ADD3: variants seen among roughly 807,000 people sequenced by gnomAD.
ADD3 encodes adducin 3.
ADD3 carries 25 observed loss-of-function variants against 80.2 expected under a neutral mutation model. That is an observed-to-expected ratio of 0.31 (90% CI 0.23 to 0.44). The LOEUF is 0.44. Among genes scored for constraint, ADD3 ranks in the 20% least tolerant of loss-of-function variants. The probability of loss-of-function intolerance (pLI) is 1.00; values close to 1 mark genes in which losing one functional copy is unlikely to be tolerated. For missense variants in ADD3, 829 were observed against 847.5 expected (o/e 0.98, Z 0.27); for synonymous variants, 284 against 289.6 (o/e 0.98, Z 0.20).
intron 1 of ADD3, among the ~76,000 whole-genome samples, chr10:110,095,363 C>T (rs1369534712): frequency 1.3e-5 from 2 of 152,176 alleles, no homozygotes; most frequent in South Asian, 2.1e-4. Flanking sequence ...ATCTCATTGG[C>T]GGCCACTCCT....
At chr10:110,065,539 C>CCTTTTTTTTTTTTTTTTTTTTTT (rs1843806502) in intron 1 of ADD3, among the ~76,000 whole-genome samples, 5 of 31,172 alleles carry the variant, frequency 1.6e-4, no homozygotes, top group African/African-American at 4.0e-4. Context: ...TCTCTCTCCC[C>CCTTTTTTTTTTTTTTTTTTTTTT]TTTTTTTTTT....
chr10:110,090,477 T>C (rs1847365312), intron 1 of ADD3, among the ~76,000 whole-genome samples: 1 of 152,194 alleles, frequency 6.6e-6, no homozygotes. Context: ...TACCTTGGCC[T>C]TCCAAAGTGC....
chr10:110,089,460 G>A (rs1847202628), intron 1 of ADD3, among the ~76,000 whole-genome samples: 1 of 152,086 alleles, frequency 6.6e-6, no homozygotes, highest in African/African-American at 2.4e-5. Flanking sequence ...TCTAAGGAAG[G>A]GGTTGGGATG....
intron 1 of ADD3, among the ~76,000 whole-genome samples, chr10:110,030,989 T>C (rs1379406014): frequency 1.3e-5 from 2 of 148,320 alleles, no homozygotes; most frequent in African/African-American, 4.9e-5. Flanking sequence ...AAAATAAATT[T>C]GTAAGTCCAG....
rs59949041 is a variant in ADD3, at chr10:110,018,526, CAAAAAAAAAAAAAAAA to C, written c.-30+10237_-30+10252del. ...CTGGGTGACAAGTGAGACTTTGTCT[CAAAAAAAAAAAAAAAA>C]AAAAAAAAAGAGTTGGAGTGGTCAG... On this transcript the variant is annotated intron_variant, in intron 1 of 14. Coordinates refer to ENST00000356080, the MANE Select transcript of ADD3 (RefSeq NM_016824.5). Among the ~76,000 whole-genome samples, 20 of 49,508 alleles carry C rather than the reference CAAAAAAAAAAAAAAAA, an allele frequency of 4.0e-4. No individual in the cohort carries two copies. In the Admixed American group the frequency reaches 5.4e-3, roughly 13 times the overall value. The allele number at this position is 49,508 out of a possible 152,430, so 32.5% of individuals were successfully genotyped here. A position where few individuals can be genotyped will look rare whatever the true frequency, so the allele number is the denominator to read the frequency against.
At chr10:110,039,629 AC>A (rs1856058905) in intron 1 of ADD3, among the ~76,000 whole-genome samples, 1 of 152,218 alleles carries the variant, frequency 6.6e-6, no homozygotes, top group African/African-American at 2.4e-5. Flanking sequence ...ATAACAAATT[AC>A]CCCCAAACTA....
intron 2 of ADD3, among the ~76,000 whole-genome samples, chr10:110,101,595 C>T (rs1461423619): frequency 1.3e-5 from 2 of 150,798 alleles, no homozygotes; most frequent in African/African-American, 4.9e-5. Flanking sequence ...CGTGATCATG[C>T]CACTGCATTC....
intron 2 of ADD3, among the ~76,000 whole-genome samples, chr10:110,106,434 G>A (rs1849402577): frequency 6.6e-6 from 1 of 151,888 alleles, no homozygotes; most frequent in South Asian, 2.1e-4. Flanking sequence ...TCTGACCTTG[G>A]ATACAGAGTT....
At chr10:110,006,126 A>G (rs946570336), upstream of ADD3, 3 of 154,086 alleles carry the variant, frequency 1.9e-5, no homozygotes, top group Non-Finnish European at 2.9e-5. Flanking sequence ...TACCCTTGTT[A>G]GAAGGAAGCT....
chr10:110,063,803 C>T (rs766609947), intron 1 of ADD3, among the ~76,000 whole-genome samples: 1 of 119,744 alleles, frequency 8.4e-6, no homozygotes, highest in Non-Finnish European at 1.7e-5. Context: ...CCGTGTGTAA[C>T]CTACCTAAGT....
At position 110,091,977 on chromosome 10, in the gene ADD3, A is replaced by G. The variant is rs146076281; in HGVS notation, c.-29-8648A>G. Among the ~76,000 whole-genome samples, 981 of 152,352 alleles carry G rather than the reference A, an allele frequency of 6.4e-3. 6 individuals carry two copies. The highest frequency in any genetic ancestry group is 9.0e-3 in the Non-Finnish European group (614 of 68,032). On this transcript the variant is annotated intron_variant, in intron 1 of 14. Coordinates refer to ENST00000356080, the MANE Select transcript of ADD3 (RefSeq NM_016824.5). ...GACATACACACAAGTCAACATGCAT[A>G]TGGAAAAATGCTCAACATCACTAAT...
intron 3 of ADD3, among the ~76,000 whole-genome samples, chr10:110,114,361 T>G (rs1432146736): frequency 6.6e-6 from 1 of 152,230 alleles, no homozygotes; most frequent in Non-Finnish European, 1.5e-5. Context: ...TTAAAAGGTT[T>G]TCCATTGAAA....
chr10:109,998,137 T>C (rs976490775), intron 1 of ADD3, among the ~76,000 whole-genome samples: 1 of 152,224 alleles, frequency 6.6e-6, no homozygotes, highest in African/African-American at 2.4e-5. Flanking sequence ...AAAATAATTA[T>C]AAAGTGGAGT....
At chr10:110,099,504 G>T (rs200219742) in intron 1 of ADD3, among the ~76,000 whole-genome samples, 1 of 152,050 alleles carries the variant, frequency 6.6e-6, no homozygotes, top group Admixed American at 6.6e-5. Context: ...TTTGACTAGC[G>T]TGTATTAAAA....
chr10:110,102,598 C>A (rs529070029), intron 2 of ADD3, among the ~76,000 whole-genome samples: 1 of 152,162 alleles, frequency 6.6e-6, no homozygotes, highest in African/African-American at 2.4e-5. Flanking sequence ...CAGGGCAAGA[C>A]CCTGTCTCAA....
At chr10:110,083,088 G>C (rs1468501690) in intron 1 of ADD3, among the ~76,000 whole-genome samples, 3 of 152,142 alleles carry the variant, frequency 2.0e-5, no homozygotes, top group African/African-American at 7.2e-5. Flanking sequence ...AAAAAATGTT[G>C]ACCCAGTTAC....
At chr10:110,117,241 C>A in intron 4 of ADD3, 101 bp from the exon 5 acceptor site, 1 of 577,082 alleles carries the variant, frequency 1.7e-6, no homozygotes, top group Non-Finnish European at 3.0e-6. Flanking sequence ...TTTTTTTTTC[C>A]TGATCTCTTA....
At chr10:110,117,290 A>T in intron 4 of ADD3, 52 bp from the exon 5 acceptor site, 1 of 902,456 alleles carries the variant, frequency 1.1e-6, no homozygotes, top group Non-Finnish European at 1.8e-6. Flanking sequence ...TCATGTTTCC[A>T]CTGCAAAATA....
chr10:110,001,373 C>A (rs1405463262), upstream of ADD3, among the ~76,000 whole-genome samples: 2 of 149,716 alleles, frequency 1.3e-5, no homozygotes, highest in Non-Finnish European at 3.0e-5. Context: ...TGAAATCACA[C>A]CACTGCACTC....
Sources: allele counts gnomAD v4.1 joint callset (sites outside exome capture counted in the v4.1 genomes callset), GRCh38; gene constraint gnomAD v4.1.1; transcripts MANE v1.5; gene names NCBI Gene and HGNC (gene_info 2026-07-23, HGNC 2026-07-21).